The following GAB2 variants were observed in gnomAD, a reference collection of about 807,000 sequenced individuals.
GAB2 encodes GRB2 associated binding protein 2.
GAB2 carries 26 observed loss-of-function variants against 65.5 expected under a neutral mutation model. The ratio of observed to expected loss-of-function variants is 0.40; its 90% CI spans 0.29 to 0.55. The LOEUF is 0.55. Among genes scored for constraint, GAB2 ranks in the 20% least tolerant of loss-of-function variants. GAB2 has a pLI of 0.53. For missense variants in GAB2, 884 were observed against 875.8 expected (o/e 1.01, Z -0.12); for synonymous variants, 321 against 329.6 (o/e 0.97, Z 0.28).
chr11:78,223,727 C>T (rs1395309233), intron 5 of GAB2, 51 bp from the exon 6 acceptor site: 1 of 1,469,862 alleles, frequency 6.8e-7, no homozygotes, highest in Non-Finnish European at 9.2e-7. Flanking sequence ...CAAGAAGAAA[C>T]AGGAAGGGGG....
At chr11:78,231,336 G>GGTGTGTGTGTGTGT (rs58651538) in intron 3 of GAB2, among the ~76,000 whole-genome samples, 3,445 of 145,838 alleles carry the variant, frequency 0.024, 96 homozygotes, top group African/African-American at 0.058. Context: ...GCGCGTGTGT[G>GGTGTGTGTGTGTGT]GTGTGTGTGT....
rs1856450715 is a variant in GAB2, at chr11:78,362,784, C to T, written c.75+54862G>A. On this transcript the variant is annotated intron_variant, in intron 1 of 9. Coordinates refer to ENST00000361507, the MANE Select transcript of GAB2 (RefSeq NM_080491.3). ...TGAAATCAAAGGATGGAAAAAATTA[C>T]ATAAAGCATATACATTACTCAAAAG... 2.6e-5 allele frequency among the ~76,000 whole-genome samples: 4 copies of T among 152,062 alleles called. No homozygotes were observed. The South Asian group carries it at 8.3e-4, about 32-fold the overall frequency.
intron 1 of GAB2, among the ~76,000 whole-genome samples, chr11:78,356,733 A>G (rs1418937250): frequency 2.0e-5 from 3 of 152,258 alleles, no homozygotes; most frequent in Admixed American, 6.5e-5. Flanking sequence ...GTTAAATGAA[A>G]GCAGGTGGAA....
chr11:78,296,711 C>T (rs1423901153), intron 1 of GAB2, among the ~76,000 whole-genome samples: 1 of 152,192 alleles, frequency 6.6e-6, no homozygotes, highest in East Asian at 1.9e-4. Context: ...TTTTCACTGC[C>T]CTGTCCATGT....
rs796161663 is a variant in GAB2 at position 78,291,555 on chromosome 11, C to CTTTTTTTTTTTTTTTTTTTTTTTT, written c.76-10655_76-10654insAAAAAAAAAAAAAAAAAAAAAAAA. Among the ~76,000 whole-genome samples the CTTTTTTTTTTTTTTTTTTTTTTTT allele has an allele frequency of 9.1e-5, 5 of 55,046 alleles. 2 individuals carry two copies. The highest frequency in any genetic ancestry group is 1.9e-4 in the African/African-American group (3 of 15,662). The allele number at this position is 55,046 out of a possible 152,430, so 36.1% of individuals were successfully genotyped here. ...CCTATCTTGAGAGACTTACTTTTTT[C>CTTTTTTTTTTTTTTTTTTTTTTTT]TTTTTCTTTTTTTTTTTTTTTTTTT... On this transcript the variant is annotated intron_variant, in intron 1 of 9. Coordinates refer to ENST00000361507, the MANE Select transcript of GAB2 (RefSeq NM_080491.3).
At chr11:78,240,431 C>T (rs570261909) in intron 3 of GAB2, among the ~76,000 whole-genome samples, 2 of 152,206 alleles carry the variant, frequency 1.3e-5, no homozygotes, top group African/African-American at 4.8e-5. Context: ...GACACCCTGC[C>T]CTACAGGCCA....
In GAB2 at chr11:78,360,676, G is replaced by A. The variant is rs554680321; in HGVS notation, c.75+56970C>T. Among the ~76,000 whole-genome samples the A allele has an allele frequency of 6.4e-4, 98 of 152,160 alleles. 1 individual carries two copies. Among genetic ancestry groups the A allele is most frequent in the South Asian group, 5.8e-3 (28 of 4,822 alleles). On this transcript the variant is annotated intron_variant, in intron 1 of 9. Coordinates refer to ENST00000361507, the MANE Select transcript of GAB2 (RefSeq NM_080491.3). ...AGTTTGAGACCAGCCTGGCCAACAT[G>A]GCGAAAACCTGTCTGTACTAAAAAT...
chr11:78,255,806 C>A (rs1405605503), intron 2 of GAB2, among the ~76,000 whole-genome samples: 2 of 152,246 alleles, frequency 1.3e-5, no homozygotes, highest in Non-Finnish European at 2.9e-5. Flanking sequence ...CATCACCCCT[C>A]AGGGTCACTC....
intron 1 of GAB2, among the ~76,000 whole-genome samples, chr11:78,324,165 G>A: frequency 6.6e-6 from 1 of 151,970 alleles, no homozygotes; most frequent in East Asian, 1.9e-4. Context: ...CTTGCCGTGA[G>A]GTCACTGGCC....
At chr11:78,387,087 G>A (rs530967182) in intron 1 of GAB2, among the ~76,000 whole-genome samples, 7 of 152,304 alleles carry the variant, frequency 4.6e-5, no homozygotes, top group African/African-American at 1.2e-4. Context: ...TGTCACCCAG[G>A]CTGGAGTACA....
At chr11:78,248,588 A>G (rs1218408261) in intron 3 of GAB2, among the ~76,000 whole-genome samples, 1 of 152,244 alleles carries the variant, frequency 6.6e-6, no homozygotes, top group Non-Finnish European at 1.5e-5. Context: ...GCAGTTGTCT[A>G]TGTAGTAGAA....
intron 2 of GAB2, among the ~76,000 whole-genome samples, chr11:78,277,207 C>T (rs1189472995): frequency 6.6e-6 from 1 of 152,210 alleles, no homozygotes; most frequent in African/African-American, 2.4e-5. Context: ...TCTAATCCCA[C>T]AAGAAAATAA....
chr11:78,259,496 G>A (rs1865679968), intron 2 of GAB2, among the ~76,000 whole-genome samples: 1 of 152,196 alleles, frequency 6.6e-6, no homozygotes, highest in African/African-American at 2.4e-5. Flanking sequence ...CATGCTGACA[G>A]GTGCTGAGGG....
At chr11:78,412,094 T>C (rs931700816) in intron 1 of GAB2, among the ~76,000 whole-genome samples, 1 of 150,666 alleles carries the variant, frequency 6.6e-6, no homozygotes, top group Non-Finnish European at 1.5e-5. Flanking sequence ...GCCGAGATCA[T>C]GCCATTGCAC....
At chr11:78,312,352 C>A (rs1373778651) in intron 1 of GAB2, among the ~76,000 whole-genome samples, 1 of 152,162 alleles carries the variant, frequency 6.6e-6, no homozygotes, top group African/African-American at 2.4e-5. Context: ...CAGGCACTCT[C>A]CTAAGCACTT....
In GAB2 at chr11:78,242,912, C is replaced by T. The variant is rs142320023; in HGVS notation, c.620+7245G>A. Among the ~76,000 whole-genome samples, 9 of 152,296 alleles carry T rather than the reference C, an allele frequency of 5.9e-5. No homozygotes were observed. The East Asian group carries it at 1.3e-3, about 23-fold the overall frequency. On this transcript the variant is annotated intron_variant, in intron 3 of 9. Coordinates refer to ENST00000361507, the MANE Select transcript of GAB2 (RefSeq NM_080491.3). ...GTGTGGTGGCTCATGCCTGTAATCC[C>T]AGCACTTTGGGAGGCTGAGGCGGAC...
intron 1 of GAB2, among the ~76,000 whole-genome samples, chr11:78,380,025 A>C (rs1565178917): frequency 6.6e-6 from 1 of 152,224 alleles, no homozygotes; most frequent in Non-Finnish European, 1.5e-5. Flanking sequence ...GAAAGCTAGA[A>C]TTGATTATGA....
chr11:78,345,791 A>G (rs1198010773), intron 1 of GAB2, among the ~76,000 whole-genome samples: 18 of 152,204 alleles, frequency 1.2e-4, no homozygotes, highest in Non-Finnish European at 2.6e-4. Context: ...GAGGAAAATG[A>G]TGCCAGCTGG....
chr11:78,231,329 C>CGCGTGTG (rs1554975107), intron 3 of GAB2, among the ~76,000 whole-genome samples: 5 of 115,668 alleles, frequency 4.3e-5, no homozygotes, highest in African/African-American at 1.2e-4. Context: ...CGCGCGCGCG[C>CGCGTGTG]GTGTGTGGTG....
Sources: allele counts gnomAD v4.1 joint callset (sites outside exome capture counted in the v4.1 genomes callset), GRCh38; gene constraint gnomAD v4.1.1; transcripts MANE v1.5; gene names NCBI Gene and HGNC (gene_info 2026-07-23, HGNC 2026-07-21).